The following WTAP variants were observed in gnomAD, a reference collection of about 807,000 sequenced individuals.
The protein encoded by WTAP is WT1 associated protein.
Under a neutral mutation model 50.0 loss-of-function variants are expected in WTAP, and 8 were observed. The ratio of observed to expected loss-of-function variants is 0.16; its 90% CI spans 0.09 to 0.29. WTAP has a LOEUF of 0.29. WTAP is among the 10% of genes least tolerant of loss of function. The probability of loss-of-function intolerance (pLI) is 1.00; values close to 1 mark genes in which losing one functional copy is unlikely to be tolerated. For synonymous variants in WTAP, 194 were observed against 169.0 expected, an observed-to-expected ratio of 1.15 and a Z score of -1.15; for missense variants, 295 against 470.7, an observed-to-expected ratio of 0.63 and a Z score of 3.45.
intron 1 of WTAP, among the ~76,000 whole-genome samples, chr6:159,734,571 G>T (rs543108394): frequency 6.6e-6 from 1 of 152,260 alleles, no homozygotes; most frequent in South Asian, 2.1e-4. Context: ...AGCTACTTGG[G>T]AGGCTGAGAT....
At chr6:159,745,106 C>T (rs539646082) in intron 5 of WTAP, 1 of 152,316 alleles carries the variant, frequency 6.6e-6, no homozygotes, top group South Asian at 2.1e-4. Context: ...ACAAATTTCC[C>T]TTTACACGAG....
chr6:159,754,665 T>A (rs1157990134), intron 7 of WTAP, among the ~76,000 whole-genome samples: 1 of 152,138 alleles, frequency 6.6e-6, no homozygotes, highest in Non-Finnish European at 1.5e-5. Flanking sequence ...TAATACAATA[T>A]AAATGCTAGG....
chr6:159,743,829 G>A (rs779320831), intron 5 of WTAP, 37 bp downstream of exon 5: 2 of 1,550,276 alleles, frequency 1.3e-6, no homozygotes, highest in Non-Finnish European at 1.7e-6. Flanking sequence ...CTTTAGTTGA[G>A]GAATTGGTTT....
intron 1 of WTAP, among the ~76,000 whole-genome samples, chr6:159,728,989 TC>T (rs1242786767): frequency 1.3e-5 from 2 of 152,234 alleles, no homozygotes; most frequent in Admixed American, 6.5e-5. Context: ...CTCTTTTATG[TC>T]TAGCTTTTCC....
chr6:159,748,865 T>G lies in WTAP; in HGVS notation c.452+496T>G. ...AGCATAGTGACTTAGAGACACTGTG[T>G]ATCAGTTTTGCCAATAAGACTGTGG... is the stretch of plus-strand genomic sequence containing the variant. On this transcript the variant is annotated intron_variant, in intron 6 of 7. Transcript: ENST00000621533. This position sits in a 1 kb window ranked among gnomAD's most constrained non-coding sequence, Gnocchi z 5.6. The G allele has an allele frequency of 1.7e-6, 2 of 1,209,350 alleles. No individual in the cohort carries two copies. Among genetic ancestry groups the G allele is most frequent in the Non-Finnish European group, 2.1e-6 (2 of 973,834 alleles). The allele number at this position is 1,209,350 out of a possible 1,614,324, so 74.9% of individuals were successfully genotyped here.
intron 1 of WTAP, among the ~76,000 whole-genome samples, chr6:159,735,620 G>A (rs911566096): frequency 6.6e-6 from 1 of 152,048 alleles, no homozygotes; most frequent in African/African-American, 2.4e-5. Flanking sequence ...GTGGTGGCAC[G>A]CACCTGTAGT....
chr6:159,752,306 A>G (rs1235037142), intron 6 of WTAP, among the ~76,000 whole-genome samples: 1 of 152,202 alleles, frequency 6.6e-6, no homozygotes, highest in Admixed American at 6.5e-5. Context: ...TCTCAAAGGT[A>G]AATATCACAA....
chr6:159,746,919 T>C (rs1779610838), intron 5 of WTAP, among the ~76,000 whole-genome samples: 1 of 152,206 alleles, frequency 6.6e-6, no homozygotes, highest in Non-Finnish European at 1.5e-5. Context: ...TCTCAGTCAG[T>C]GCTGTAGACT....
At chr6:159,726,720 C>T (rs1404028662), upstream of WTAP, 24 of 1,255,494 alleles carry the variant, frequency 1.9e-5, no homozygotes, top group East Asian at 5.7e-5. Context: ...AGCGCAACCT[C>T]CGACGCCAGA....
At chr6:159,753,248 C>CT in intron 6 of WTAP, 2 of 609,426 alleles carry the variant, frequency 3.3e-6, no homozygotes, top group South Asian at 2.0e-5. Flanking sequence ...TGTTTGGGCA[C>CT]TTTTTGTTTA....
intron 1 of WTAP, among the ~76,000 whole-genome samples, chr6:159,728,430 CA>C (rs57022984): frequency 4.0e-5 from 6 of 151,722 alleles, no homozygotes; most frequent in Admixed American, 2.0e-4. Flanking sequence ...CAAAACAAAA[CA>C]AAAAAACTAT....
At chr6:159,749,259 T>C (rs1272085943) in intron 6 of WTAP, 30 of 985,716 alleles carry the variant, frequency 3.0e-5, no homozygotes, top group Non-Finnish European at 3.3e-5. Context: ...TGAGACTCAC[T>C]GCATTATTTT....
At chr6:159,727,768 AG>A in intron 1 of WTAP, 65 bp downstream of exon 1, 2 of 974,024 alleles carry the variant, frequency 2.1e-6, no homozygotes, top group Non-Finnish European at 2.4e-6. Context: ...GCTGATGCGC[AG>A]CCGCCCCCGG....
chr6:159,730,444 T>TA lies in WTAP; in HGVS notation c.-9+2751dup, dbSNP rs551961713. ...AGGTTATTGTGTTTGTCATTTGCGC[T>TA]AAAAAAAAAATTGCCCTGGGGAATA... On this transcript the variant is annotated intron_variant, in intron 1 of 7. Coordinates refer to ENST00000621533, the MANE Select transcript of WTAP (RefSeq NM_001270531.2). Among the ~76,000 whole-genome samples the TA allele has an allele frequency of 1.9e-3, 279 of 149,256 alleles. 2 individuals are homozygous for TA. Among genetic ancestry groups the TA allele is most frequent in the African/African-American group, 5.9e-3 (241 of 40,852 alleles).
rs966526319 is a variant in WTAP, at chr6:159,739,041, C to T, written c.82C>T (p.Leu28=). 3.7e-6 allele frequency: 6 copies of T among 1,610,220 alleles called. No individual in the cohort carries two copies. The highest frequency in any genetic ancestry group is 1.7e-5 in the Admixed American group (1 of 59,586). ...FKVMARDELI[L]RWKQYEAYVQ... ...AGTTATGGCAAGAGATGAGTTAATT[C>T]TAAGGTAAAATGTTCTCTGTTCAAA... The change falls in exon 3 of 8, where the codon CTA becomes TTA. Residue 28 remains leucine (L), a synonymous_variant. Transcript: ENST00000621533.
chr6:159,745,995 C>G lies in WTAP; in HGVS notation c.274-2196C>G, dbSNP rs563017396. On this transcript the variant is annotated intron_variant, in intron 5 of 7. Coordinates refer to ENST00000621533, the MANE Select transcript of WTAP (RefSeq NM_001270531.2). ...GAGTAACGATGCTACTAGGATAGAT[C>G]CTACAAAGATCAAATTTTAAAAGAA... Among the ~76,000 whole-genome samples, 58 of 152,194 alleles carry G rather than the reference C, an allele frequency of 3.8e-4. No individual in the cohort carries two copies. The Middle Eastern group carries it at 0.01, about 27-fold the overall frequency.
In WTAP at chr6:159,755,539, T is replaced by C; in HGVS notation, c.1119T>C (p.Asn373=). 1.2e-6 allele frequency: 2 copies of C among 1,614,146 alleles called. No homozygotes were observed. Among genetic ancestry groups the C allele is most frequent in the Non-Finnish European group, 1.7e-6 (2 of 1,180,030 alleles). ...QEEKAVSGKG[N]RTVGSRHVQN... is the part of the protein sequence containing the mutation. Reference sequence around the variant, plus strand: ...AGAAAGCAGTGAGTGGGAAAGGTAATCGAACTGTGGGTTCCCGCCACGTTC... The same window carrying C: ...AGAAAGCAGTGAGTGGGAAAGGTAACCGAACTGTGGGTTCCCGCCACGTTC... Residue 373 remains asparagine (N), a synonymous_variant, in exon 8 of 8, where the codon AAT becomes AAC. Transcript: ENST00000621533.
chr6:159,755,750 T>TTTTTTTTTTG lies in WTAP; in HGVS notation c.*148_*149insGTTTTTTTTT, dbSNP rs1779983575. 9.4e-7 allele frequency: 1 copy of TTTTTTTTTTG among 1,066,860 alleles called. No individual in the cohort carries two copies. The highest frequency in any genetic ancestry group is 3.6e-5 in the East Asian group (1 of 27,978). 66.1% of individuals were successfully genotyped at this position (1,066,860 alleles called of 1,614,324 possible). A position where few individuals can be genotyped will look rare whatever the true frequency, so the allele number is the denominator to read the frequency against. On this transcript the variant is annotated 3_prime_UTR_variant, in exon 8 of 8. Transcript: ENST00000621533. ...TTTTTTTTGTTGTTTTTTTTCTTTG[T>TTTTTTTTTTG]TTTTTTTTTCTTTTCTTTTTTTTTT...
rs149300332 is a variant in WTAP, at chr6:159,751,922, G to A, written c.453-1538G>A. Among the ~76,000 whole-genome samples the A allele has an allele frequency of 1.6e-4, 24 of 152,148 alleles. No individual in the cohort carries two copies. In the East Asian group the frequency reaches 4.4e-3, roughly 28 times the overall value. On this transcript the variant is annotated intron_variant, in intron 6 of 7. Coordinates refer to ENST00000621533, the MANE Select transcript of WTAP (RefSeq NM_001270531.2). ...ACTAAAAATCCAAAATTAGCTGGGG[G>A]TGCTCGTGCACACCTATAGTCCCCA...
Sources: gnomAD v4.1 joint callset for allele counts (sites outside exome capture counted in the v4.1 genomes callset) on GRCh38, gnomAD v4.1.1 for gene constraint, Gnocchi (gnomAD v3.1) non-coding constraint, MANE v1.5 for transcripts, NCBI Gene and HGNC (gene_info 2026-07-23, HGNC 2026-07-21) for gene names.